Variants in EPHA5 observed in about 807,000 individuals in gnomAD.
The protein encoded by EPHA5 is ephrin type-A receptor 5.
A neutral mutation model predicts 105.0 loss-of-function variants in EPHA5; 60 were observed. The observed-to-expected ratio is 0.57, with a 90% CI of 0.46 to 0.71. EPHA5 has a LOEUF of 0.71. Ranked by LOEUF, EPHA5 falls within the 30% of genes least tolerant of loss-of-function variation. The probability of loss-of-function intolerance (pLI) is 0.00; values close to 1 mark genes in which losing one functional copy is unlikely to be tolerated. For missense variants in EPHA5, 1,218 were observed against 1,274.7 expected (o/e 0.96, Z 0.68); for synonymous variants, 513 against 449.1 (o/e 1.14, Z -1.80).
At position 65,584,352 on chromosome 4, in the gene EPHA5, T is replaced by C. The variant is rs1485503000; in HGVS notation, c.910+17289A>G. The stretch of plus-strand genomic sequence containing the variant: ...TAATGTCTTAACTATGGAATTCAAA[T>C]AGTAATTTAAATATATTTTTAAAAT... On this transcript the variant is annotated intron_variant, in intron 3 of 16. Transcript: ENST00000613740. Among the ~76,000 whole-genome samples the C allele has an allele frequency of 2.0e-5, 3 of 151,908 alleles. No homozygotes were observed. The Admixed American group carries it at 2.0e-4, about 10-fold the overall frequency.
At position 65,669,884 on chromosome 4, in the gene EPHA5, T is replaced by G; in HGVS notation, c.-142A>C. 1 of 1,186,358 alleles carries G rather than the reference T, an allele frequency of 8.4e-7. No homozygotes were observed. The highest frequency in any genetic ancestry group is 1.1e-6 in the Non-Finnish European group (1 of 947,160). The allele number at this position is 1,186,358 out of a possible 1,614,324, so 73.5% of individuals were successfully genotyped here. On this transcript the variant is annotated 5_prime_UTR_variant, in exon 1 of 17. Coordinates refer to ENST00000613740, the MANE Select transcript of EPHA5 (RefSeq NM_001281766.3). Reference sequence around the variant, plus strand: ...CCTTCTGGCACGCGGCTCCTCCAAATGTAGGAACCACGGATCCGGCTGAGA... The same window carrying G: ...CCTTCTGGCACGCGGCTCCTCCAAAGGTAGGAACCACGGATCCGGCTGAGA...
At position 65,530,389 on chromosome 4, in the gene EPHA5, T is replaced by C. The variant is rs187829043; in HGVS notation, c.911-34846A>G. Reference sequence around the variant, plus strand: ...TGGCAGAAAATACTAAGCTATCGTATATATGTATGTAAACAGGTGTACATT... The same window carrying C: ...TGGCAGAAAATACTAAGCTATCGTACATATGTATGTAAACAGGTGTACATT... On this transcript the variant is annotated intron_variant, in intron 3 of 16. Coordinates refer to ENST00000613740, the MANE Select transcript of EPHA5 (RefSeq NM_001281766.3). 2.6e-3 allele frequency among the ~76,000 whole-genome samples: 371 copies of C among 144,772 alleles called. 11 individuals carry two copies. The highest frequency in any genetic ancestry group is 0.025 in the Admixed American group (355 of 13,980). 95.0% of individuals were successfully genotyped at this position (144,772 alleles called of 152,430 possible).
At chr4:65,551,286 A>G (rs202096464) in intron 3 of EPHA5, among the ~76,000 whole-genome samples, 40,470 of 118,386 alleles carry the variant, frequency 0.34, 6,218 homozygotes, top group African/African-American at 0.46. Context: ...GTGTGTATAT[A>G]TATATATATA....
At chr4:65,605,600 G>A (rs942386528) in intron 2 of EPHA5, among the ~76,000 whole-genome samples, 8 of 152,026 alleles carry the variant, frequency 5.3e-5, no homozygotes, top group Non-Finnish European at 8.8e-5. Flanking sequence ...GTTATTAGGG[G>A]TGCCCATTAT....
intron 3 of EPHA5, among the ~76,000 whole-genome samples, chr4:65,552,213 A>G (rs1737987719): frequency 6.6e-6 from 1 of 152,210 alleles, no homozygotes; most frequent in East Asian, 1.9e-4. Flanking sequence ...TTCCTACTTC[A>G]GCATTGTTCC....
chr4:65,371,692 G>A (rs540848878), intron 8 of EPHA5, among the ~76,000 whole-genome samples: 32 of 152,098 alleles, frequency 2.1e-4, no homozygotes, highest in Admixed American at 5.9e-4. Flanking sequence ...GACCAATGAG[G>A]AAAGGTAAGT....
At chr4:65,655,603 C>A (rs992815178) in intron 1 of EPHA5, among the ~76,000 whole-genome samples, 1 of 152,130 alleles carries the variant, frequency 6.6e-6, no homozygotes, top group Admixed American at 6.6e-5. Flanking sequence ...GTACACATCT[C>A]ACTTTAAGTA....
intron 16 of EPHA5, among the ~76,000 whole-genome samples, chr4:65,325,832 T>C (rs1035251967): frequency 4.0e-5 from 6 of 151,020 alleles, no homozygotes; most frequent in Non-Finnish European, 8.9e-5. Context: ...TAATTCTTTG[T>C]TGTAGAGGTG....
intron 3 of EPHA5, among the ~76,000 whole-genome samples, chr4:65,536,184 C>T (rs1218582936): frequency 6.6e-6 from 1 of 151,850 alleles, no homozygotes; most frequent in African/African-American, 2.4e-5. Context: ...ATGGGTGGAT[C>T]TATCGCTGCC....
intron 8 of EPHA5, among the ~76,000 whole-genome samples, chr4:65,388,265 C>G (rs1259025871): frequency 6.6e-6 from 1 of 151,196 alleles, no homozygotes; most frequent in Admixed American, 6.6e-5. Flanking sequence ...GTGAATAGTG[C>G]CACAATAAAC....
At chr4:65,568,557 T>C (rs924337339) in intron 3 of EPHA5, among the ~76,000 whole-genome samples, 13 of 151,188 alleles carry the variant, frequency 8.6e-5, no homozygotes, top group Middle Eastern at 3.8e-3. Flanking sequence ...TTTTTAAACA[T>C]GTAAGCTTCA....
At chr4:65,627,318 A>G (rs998829893) in intron 2 of EPHA5, among the ~76,000 whole-genome samples, 1 of 152,200 alleles carries the variant, frequency 6.6e-6, no homozygotes, top group African/African-American at 2.4e-5. Context: ...AATAATTTGG[A>G]AAAACCTGAA....
At chr4:65,565,710 G>T (rs1377065345) in intron 3 of EPHA5, among the ~76,000 whole-genome samples, 1 of 151,276 alleles carries the variant, frequency 6.6e-6, no homozygotes, top group Admixed American at 6.6e-5. Flanking sequence ...AAGATAATCT[G>T]TAAAGCTAGG....
intron 3 of EPHA5, among the ~76,000 whole-genome samples, chr4:65,552,490 T>A (rs1738016324): frequency 6.6e-6 from 1 of 152,180 alleles, no homozygotes; most frequent in Non-Finnish European, 1.5e-5. Context: ...TTGCTACGCT[T>A]GACTGACAAA....
At chr4:65,456,853 A>G (rs1727648479) in intron 5 of EPHA5, among the ~76,000 whole-genome samples, 1 of 152,180 alleles carries the variant, frequency 6.6e-6, no homozygotes, top group Non-Finnish European at 1.5e-5. Flanking sequence ...GTAAGTTGAT[A>G]TACTTGAATT....
At chr4:65,576,117 AAAG>A (rs1741009885) in intron 3 of EPHA5, among the ~76,000 whole-genome samples, 2 of 142,752 alleles carry the variant, frequency 1.4e-5, no homozygotes, top group Non-Finnish European at 3.1e-5. Flanking sequence ...AGAAAAGAAA[AAAG>A]AAAAGAAAAG....
At chr4:65,467,456 C>T (rs1009469848) in intron 5 of EPHA5, among the ~76,000 whole-genome samples, 2 of 152,158 alleles carry the variant, frequency 1.3e-5, no homozygotes, top group African/African-American at 2.4e-5. Flanking sequence ...TAATTACAGC[C>T]AGTAGAAAGT....
At chr4:65,425,539 A>G (rs4374661) in intron 5 of EPHA5, among the ~76,000 whole-genome samples, 15,147 of 152,140 alleles carry the variant, frequency 0.1, 982 homozygotes, top group Middle Eastern at 0.23. Context: ...TGGTGGAATC[A>G]TTTTGTCAGT....
chr4:65,356,908 T>C (rs1432473709), intron 11 of EPHA5, among the ~76,000 whole-genome samples: 1 of 151,394 alleles, frequency 6.6e-6, no homozygotes, highest in African/African-American at 2.4e-5. Flanking sequence ...ATAAACCATA[T>C]TCCATTATCC....
Sources: allele counts gnomAD v4.1 joint callset (sites outside exome capture counted in the v4.1 genomes callset), GRCh38; gene constraint gnomAD v4.1.1; transcripts MANE v1.5; gene names NCBI Gene and HGNC (gene_info 2026-07-23, HGNC 2026-07-21).